TMEM178B: variants seen among roughly 807,000 people sequenced by gnomAD.
TMEM178B encodes transmembrane protein 178B.
A neutral mutation model predicts 31.0 loss-of-function variants in TMEM178B; 5 were observed. That is an observed-to-expected ratio of 0.16 (90% CI 0.08 to 0.34). The LOEUF (loss-of-function observed/expected upper bound fraction) is 0.34, where lower values mean the gene tolerates loss of function less well. TMEM178B is among the 10% of genes least tolerant of loss of function. The pLI is 1.00. For synonymous variants in TMEM178B, 164 were observed against 164.0 expected (o/e 1.00, Z 0.00); for missense variants, 275 against 400.3 (o/e 0.69, Z 2.67).
At chr7:141,305,102 C>A (rs1798793861) in intron 2 of TMEM178B, among the ~76,000 whole-genome samples, 1 of 152,174 alleles carries the variant, frequency 6.6e-6, no homozygotes, top group Non-Finnish European at 1.5e-5. Flanking sequence ...CAAGCTCTGT[C>A]AAAAATATTT....
At chr7:141,495,649 A>G in the TMEM178B span, among the ~76,000 whole-genome samples, 1 of 152,216 alleles carries the variant, frequency 6.6e-6, no homozygotes, top group Admixed American at 6.5e-5. Flanking sequence ...ATTGTTTGCT[A>G]TAGCAAACAT....
chr7:141,214,426 G>A (rs1417267593), intron 2 of TMEM178B, among the ~76,000 whole-genome samples: 1 of 152,134 alleles, frequency 6.6e-6, no homozygotes, highest in Non-Finnish European at 1.5e-5. Context: ...GTGGGGGATG[G>A]GGAGAGACAT....
chr7:141,081,636 C>CA (rs1314330718), intron 1 of TMEM178B, among the ~76,000 whole-genome samples: 12 of 125,180 alleles, frequency 9.6e-5, no homozygotes, highest in African/African-American at 2.7e-4. Flanking sequence ...AACTCCATCT[C>CA]AAAAAAAAGA....
chr7:141,255,515 C>T (rs1797912618), intron 2 of TMEM178B, among the ~76,000 whole-genome samples: 1 of 152,172 alleles, frequency 6.6e-6, no homozygotes, highest in African/African-American at 2.4e-5. Context: ...ACCTAGTTAC[C>T]ACTTACTATC....
downstream of TMEM178B, among the ~76,000 whole-genome samples, chr7:141,484,112 ACAG>A (rs1418182389): frequency 3.3e-5 from 5 of 152,216 alleles, no homozygotes; most frequent in African/African-American, 9.6e-5. The surrounding 1 kb of genome is among the most constrained non-coding windows in gnomAD (Gnocchi z 4.8). Context: ...CCCAAAGCTG[ACAG>A]CAGATGTACA....
chr7:141,285,758 C>G (rs555275141), intron 2 of TMEM178B, among the ~76,000 whole-genome samples: 1 of 152,118 alleles, frequency 6.6e-6, no homozygotes, highest in African/African-American at 2.4e-5. Flanking sequence ...GAATGCTATA[C>G]AGCCATAAAA....
intron 1 of TMEM178B, among the ~76,000 whole-genome samples, chr7:141,208,342 A>G (rs1255987183): frequency 1.3e-5 from 2 of 152,166 alleles, no homozygotes; most frequent in African/African-American, 4.8e-5. Flanking sequence ...GAGTTTGGTG[A>G]AGAAGGGTTT....
rs1316331162 is a variant in TMEM178B, at chr7:141,422,303, T to C, written c.497-15305T>C. Among the ~76,000 whole-genome samples the C allele has an allele frequency of 6.6e-6, 1 of 152,140 alleles. No individual in the cohort carries two copies. The highest frequency in any genetic ancestry group is 2.4e-5 in the African/African-American group (1 of 41,432). ...CTTGTACAGGACTTTTGGGGTTCCT[T>C]TGGGAAAGCTTTGCAGGAATTGGTG... is the stretch of plus-strand genomic sequence containing the variant. On this transcript the variant is annotated intron_variant, in intron 2 of 3. Coordinates refer to ENST00000565468, the MANE Select transcript of TMEM178B (RefSeq NM_001195278.2). The surrounding 1 kb of genome is among the most constrained non-coding windows in gnomAD (Gnocchi z 4.2).
At chr7:141,404,666 T>C (rs1283742510) in intron 2 of TMEM178B, among the ~76,000 whole-genome samples, 1 of 152,200 alleles carries the variant, frequency 6.6e-6, no homozygotes, top group Non-Finnish European at 1.5e-5. Flanking sequence ...CTCTAATTAA[T>C]TACATCTGCT....
intron 1 of TMEM178B, among the ~76,000 whole-genome samples, chr7:141,157,587 C>G (rs1796093687): frequency 6.6e-6 from 1 of 152,190 alleles, no homozygotes; most frequent in African/African-American, 2.4e-5. Flanking sequence ...GCTTCCTCAT[C>G]TCTCTCAGCA....
At chr7:141,443,386 C>G (rs565433897) in intron 3 of TMEM178B, among the ~76,000 whole-genome samples, 22 of 152,298 alleles carry the variant, frequency 1.4e-4, no homozygotes, top group African/African-American at 4.3e-4. Flanking sequence ...ACGTCATTCT[C>G]GAGTCTGCAT....
At chr7:141,139,374 C>T (rs1795729707) in intron 1 of TMEM178B, among the ~76,000 whole-genome samples, 1 of 149,862 alleles carries the variant, frequency 6.7e-6, no homozygotes, top group Non-Finnish European at 1.5e-5. Context: ...TTTTTTTAGG[C>T]AGAGTCTCGC....
chr7:141,314,810 C>T (rs1798973662), intron 2 of TMEM178B, among the ~76,000 whole-genome samples: 1 of 152,188 alleles, frequency 6.6e-6, no homozygotes, highest in Non-Finnish European at 1.5e-5. Context: ...CCCACTGAGA[C>T]CTCAATCACC....
intron 1 of TMEM178B, among the ~76,000 whole-genome samples, chr7:141,126,402 C>T (rs1017057030): frequency 3.3e-5 from 5 of 152,170 alleles, no homozygotes; most frequent in Non-Finnish European, 5.9e-5. Context: ...GCTGTAGATC[C>T]GTGGTTTCCC....
At chr7:141,234,918 CG>C (rs1563126656) in intron 2 of TMEM178B, among the ~76,000 whole-genome samples, 2 of 152,110 alleles carry the variant, frequency 1.3e-5, no homozygotes, top group African/African-American at 4.8e-5. Flanking sequence ...TTGCTGGCAG[CG>C]GGGGTAGCAG....
intron 1 of TMEM178B, among the ~76,000 whole-genome samples, chr7:141,084,488 CA>C (rs1794745134): frequency 6.6e-6 from 1 of 152,210 alleles, no homozygotes; most frequent in East Asian, 1.9e-4. Flanking sequence ...CTCACAAGTA[CA>C]AGCCCCCTGG....
At chr7:141,243,711 G>A (rs182073243) in intron 2 of TMEM178B, among the ~76,000 whole-genome samples, 6 of 152,192 alleles carry the variant, frequency 3.9e-5, no homozygotes, top group East Asian at 3.9e-4. Context: ...GAACATTCTC[G>A]TTCTCATTGC....
intron 1 of TMEM178B, among the ~76,000 whole-genome samples, chr7:141,095,439 G>T (rs1390939769): frequency 6.6e-6 from 1 of 152,112 alleles, no homozygotes; most frequent in Non-Finnish European, 1.5e-5. Flanking sequence ...TCCATAAAAT[G>T]TTTTTTGGAA....
At chr7:141,431,046 A>G (rs1382249423) in intron 2 of TMEM178B, 1 of 152,236 alleles carries the variant, frequency 6.6e-6, no homozygotes, top group Non-Finnish European at 1.5e-5. Flanking sequence ...CTCCAGCTGC[A>G]GTGCAGCACT....
Sources: allele counts gnomAD v4.1 joint callset (sites outside exome capture counted in the v4.1 genomes callset), GRCh38; gene constraint gnomAD v4.1.1; non-coding constraint Gnocchi (gnomAD v3.1); transcripts MANE v1.5; gene names NCBI Gene and HGNC (gene_info 2026-07-23, HGNC 2026-07-21).